Variants in USH2A observed in about 807,000 individuals in gnomAD.
USH2A encodes Usher syndrome 2A (autosomal recessive, mild).
In USH2A, 443 loss-of-function variants were observed where a neutral mutation model predicts 538.9. The ratio of observed to expected loss-of-function variants is 0.82; its 90% CI spans 0.76 to 0.89. The LOEUF (loss-of-function observed/expected upper bound fraction) is 0.89. USH2A is among the 40% of genes least tolerant of loss of function. The pLI is 0.00. For missense variants in USH2A, 6,633 were observed against 6,324.8 expected, an observed-to-expected ratio of 1.05 and a Z score of -1.65; for synonymous variants, 2,413 against 2,273.5, an observed-to-expected ratio of 1.06 and a Z score of -1.75.
intron 14 of USH2A, among the ~76,000 whole-genome samples, chr1:216,227,975 G>A (rs116327428): frequency 1.1e-3 from 167 of 152,196 alleles, no homozygotes; most frequent in African/African-American, 3.7e-3. Context: ...ACTCAAAAGG[G>A]TCATAATTAA....
intron 30 of USH2A, among the ~76,000 whole-genome samples, chr1:216,050,619 T>TCTTTCTTTCTC (rs1398624665): frequency 7.2e-6 from 1 of 138,322 alleles, no homozygotes; most frequent in African/African-American, 2.6e-5. Flanking sequence ...TTTTTTTTTT[T>TCTTTCTTTCTC]TTTGAGACAG....
Position 215,782,100 on chromosome 1 carries a change from T to C in USH2A, c.10682A>G (p.Gln3561Arg), listed in dbSNP as rs886977427. ...FSDKEGIQPFQEYSYQLKACT... is the reference protein window; with the variant it reads ...FSDKEGIQPFREYSYQLKACT... The stretch of plus-strand genomic sequence containing the variant: ...AGCTTTCAGCTGATATGAATATTCC[T>C]GAAATGGTTGAATTCCCTCTTTATC... Residue 3561 changes from glutamine (Q) to arginine (R), a missense_variant, in exon 54 of 72, where the codon CAG becomes CGG. Coordinates refer to ENST00000307340, the MANE Select transcript of USH2A (RefSeq NM_206933.4). 1.2e-6 allele frequency: 2 copies of C among 1,614,038 alleles called. No individual in the cohort carries two copies. Among genetic ancestry groups the C allele is most frequent in the Admixed American group, 1.7e-5 (1 of 60,026 alleles).
intron 3 of USH2A, among the ~76,000 whole-genome samples, chr1:216,370,397 C>A (rs558468574): frequency 6.6e-6 from 1 of 150,582 alleles, no homozygotes; most frequent in Admixed American, 6.6e-5. Flanking sequence ...TAGCTTGGTG[C>A]GGTGGCTCAC....
intron 21 of USH2A, among the ~76,000 whole-genome samples, chr1:216,145,165 T>C (rs2102614457): frequency 6.6e-6 from 1 of 152,186 alleles, no homozygotes; most frequent in East Asian, 1.9e-4. Flanking sequence ...TTTCAATTAA[T>C]TTTTATGTTA....
intron 30 of USH2A, 50 bp from the exon 31 acceptor site, chr1:216,048,697 A>G (rs755507155): frequency 7.7e-6 from 11 of 1,437,796 alleles, no homozygotes; most frequent in South Asian, 6.8e-5. Flanking sequence ...ATAAGCATCA[A>G]TAAAGAGCAT....
chr1:215,769,011 C>T (rs1661207322), intron 55 of USH2A, among the ~76,000 whole-genome samples: 1 of 152,194 alleles, frequency 6.6e-6, no homozygotes, highest in African/African-American at 2.4e-5. Flanking sequence ...TGTTTATCAC[C>T]ATGTGACCTG....
intron 37 of USH2A, among the ~76,000 whole-genome samples, chr1:215,958,584 A>T (rs1667125804): frequency 6.6e-6 from 1 of 152,096 alleles, no homozygotes; most frequent in African/African-American, 2.4e-5. Flanking sequence ...GGCTCAGAGA[A>T]TGGGGGATGG....
At chr1:215,696,680 C>T (rs570962866) in intron 61 of USH2A, among the ~76,000 whole-genome samples, 1 of 152,226 alleles carries the variant, frequency 6.6e-6, no homozygotes, top group African/African-American at 2.4e-5. Context: ...TTAGCGGATA[C>T]AGACTTGTGC....
At chr1:216,141,563 G>A (rs2033604308) in intron 21 of USH2A, among the ~76,000 whole-genome samples, 1 of 152,098 alleles carries the variant, frequency 6.6e-6, no homozygotes, top group African/African-American at 2.4e-5. Context: ...CCAACCAATG[G>A]GTCTTTCCTT....
At chr1:215,665,074 A>G (rs972917842) in intron 64 of USH2A, among the ~76,000 whole-genome samples, 1 of 152,170 alleles carries the variant, frequency 6.6e-6, no homozygotes, top group African/African-American at 2.4e-5. Context: ...ACGATTTGGT[A>G]GCCTATGGTG....
intron 32 of USH2A, among the ~76,000 whole-genome samples, chr1:216,003,139 T>C: frequency 6.6e-6 from 1 of 151,940 alleles, no homozygotes; most frequent in East Asian, 1.9e-4. Context: ...GCGGTCAGGA[T>C]GGGAAGTGAG....
intron 58 of USH2A, among the ~76,000 whole-genome samples, chr1:215,753,522 G>A (rs1294093994): frequency 6.6e-6 from 1 of 152,192 alleles, no homozygotes; most frequent in African/African-American, 2.4e-5. Context: ...GGACACAGAT[G>A]AAGGTGGAAA....
chr1:216,228,831 G>A (rs555222986), intron 14 of USH2A, among the ~76,000 whole-genome samples: 90 of 152,234 alleles, frequency 5.9e-4, no homozygotes, highest in Non-Finnish European at 9.7e-4. Flanking sequence ...TATAACAGGA[G>A]CCAACTAATA....
At chr1:215,805,360 T>C (rs143256038) in intron 49 of USH2A, among the ~76,000 whole-genome samples, 25 of 152,182 alleles carry the variant, frequency 1.6e-4, no homozygotes, top group African/African-American at 4.8e-4. Flanking sequence ...ATTCCAATTA[T>C]ATTAGGTACC....
intron 64 of USH2A, among the ~76,000 whole-genome samples, chr1:215,664,103 C>A (rs1045227045): frequency 6.6e-6 from 1 of 152,106 alleles, no homozygotes; most frequent in African/African-American, 2.4e-5. Context: ...TTCCCAGATG[C>A]GAGAGCAGAA....
intron 32 of USH2A, among the ~76,000 whole-genome samples, chr1:216,039,449 C>A (rs1411947764): frequency 6.6e-6 from 1 of 151,878 alleles, no homozygotes; most frequent in African/African-American, 2.4e-5. Flanking sequence ...ATGGATGAGA[C>A]CGTCATCTTA....
chr1:216,209,581 T>A (rs1003970954), intron 15 of USH2A, among the ~76,000 whole-genome samples: 1 of 152,222 alleles, frequency 6.6e-6, no homozygotes, highest in African/African-American at 2.4e-5. Flanking sequence ...CTAAAAGATA[T>A]AATATAATCA....
At chr1:215,995,896 T>C (rs774625225) in intron 34 of USH2A, among the ~76,000 whole-genome samples, 8 of 152,134 alleles carry the variant, frequency 5.3e-5, no homozygotes, top group Non-Finnish European at 8.8e-5. Context: ...ATTAAGACAA[T>C]CCAAAACTAG....
chr1:216,067,711 G>A (rs770470659), intron 30 of USH2A, among the ~76,000 whole-genome samples: 8 of 152,140 alleles, frequency 5.3e-5, no homozygotes, highest in Non-Finnish European at 1.2e-4. Context: ...GTGGCTGGAG[G>A]TATCTATGAG....
Sources: allele counts gnomAD v4.1 joint callset (sites outside exome capture counted in the v4.1 genomes callset), GRCh38; gene constraint gnomAD v4.1.1; transcripts MANE v1.5; gene names NCBI Gene and HGNC (gene_info 2026-07-23, HGNC 2026-07-21).